The following GNPTG variants were observed in gnomAD, a reference collection of about 807,000 sequenced individuals.
GNPTG encodes the protein N-acetylglucosamine-1-phosphotransferase subunit gamma.
GNPTG carries 46 observed loss-of-function variants against 43.8 expected under a neutral mutation model. The ratio of observed to expected loss-of-function variants is 1.05; its 90% CI spans 0.83 to 1.34. The LOEUF is 1.34. GNPTG is among the 40% of genes most tolerant of loss of function. GNPTG has a pLI of 0.00. For synonymous variants in GNPTG, 250 were observed against 172.8 expected (o/e 1.45, Z -3.50); for missense variants, 549 against 411.3 (o/e 1.33, Z -2.90).
intron 3 of GNPTG, among the ~76,000 whole-genome samples, chr16:1,355,237 G>A (rs1435483323): frequency 1.3e-5 from 2 of 152,256 alleles, no homozygotes; most frequent in Non-Finnish European, 2.9e-5. Flanking sequence ...GTGGGGTCGG[G>A]TGTGGATATT....
At chr16:1,352,349 G>T in intron 3 of GNPTG, 43 bp downstream of exon 3, 1 of 1,539,982 alleles carries the variant, frequency 6.5e-7, no homozygotes, top group Non-Finnish European at 8.8e-7. Context: ...GTGGCCGCGG[G>T]GAGCAGCAAC....
rs1380763814 is a variant in GNPTG, at chr16:1,362,443, G to C, written c.527-9G>C. The C allele has an allele frequency of 1.9e-6, 3 of 1,613,692 alleles. No individual in the cohort carries two copies. The highest frequency in any genetic ancestry group is 2.5e-6 in the Non-Finnish European group (3 of 1,179,866). ...GTGCAGCTGAGCCTGGCTTCTCTTGGGTCCTCAGTGTACCCAACCCTGCCA... is the reference window on the plus strand; with the variant it reads ...GTGCAGCTGAGCCTGGCTTCTCTTGCGTCCTCAGTGTACCCAACCCTGCCA... On this transcript the variant is annotated splice_polypyrimidine_tract_variant and intron_variant, in intron 7 of 10. Coordinates refer to ENST00000204679, the MANE Select transcript of GNPTG (RefSeq NM_032520.5).
chr16:1,352,911 A>G (rs2034709615), intron 3 of GNPTG, among the ~76,000 whole-genome samples: 1 of 151,868 alleles, frequency 6.6e-6, no homozygotes, highest in South Asian at 2.1e-4. Context: ...GGTCATGAGT[A>G]TATATATCAT....
chr16:1,353,613 T>C (rs372397900), intron 3 of GNPTG, among the ~76,000 whole-genome samples: 92 of 152,268 alleles, frequency 6.0e-4, no homozygotes, highest in African/African-American at 2.2e-3. Flanking sequence ...ATCCTTGAAC[T>C]CCTGGGCTGA....
chr16:1,363,990 G>A lies in GNPTG; in HGVS notation c.*899G>A, dbSNP rs1249084596. 2 of 152,220 alleles carry A rather than the reference G, an allele frequency of 1.3e-5. No individual in the cohort carries two copies. The highest frequency in any genetic ancestry group is 2.9e-5 in the Non-Finnish European group (2 of 68,046). The allele number at this position is 152,220 out of a possible 1,614,324, so 9.4% of individuals were successfully genotyped here. A position where few individuals can be genotyped will look rare whatever the true frequency, so the allele number is the denominator to read the frequency against. ...AGAGCAGCTGGCAGACTAGAGCTCA[G>A]CTGCTCCTGACCACTGACAACCGGG... On this transcript the variant is annotated 3_prime_UTR_variant, in exon 11 of 11. Coordinates refer to ENST00000204679, the MANE Select transcript of GNPTG (RefSeq NM_032520.5).
rs774835763 is a variant in GNPTG at position 1,361,783 on chromosome 16, C to T, written c.219C>T (p.Ser73=). Residue 73 remains serine (S), a synonymous_variant, in exon 4 of 11, where the codon AGC becomes AGT. Transcript: ENST00000204679. ...HLFRLSGKCF[S]LVESTYKYEF... ...TCCGACTCTCGGGCAAGTGCTTCAG[C>T]CTGGTGGAGTCCACGTGAGTGCAGG... The T allele has an allele frequency of 1.2e-6, 2 of 1,614,184 alleles. No homozygotes were observed. Among genetic ancestry groups the T allele is most frequent in the Non-Finnish European group, 1.7e-6 (2 of 1,180,038 alleles).
intron 4 of GNPTG, 22 bp downstream of exon 4, chr16:1,361,819 G>C: frequency 1.2e-6 from 2 of 1,614,044 alleles, no homozygotes; most frequent in South Asian, 1.1e-5. Flanking sequence ...GTGGGTGCGA[G>C]GGTGGGCTGG....
intron 3 of GNPTG, 146 bp downstream of exon 3, chr16:1,352,452 G>A (rs929366916): frequency 1.2e-5 from 10 of 807,428 alleles, no homozygotes; most frequent in Middle Eastern, 6.8e-4. Flanking sequence ...AAGTACGAGA[G>A]AATATACCAG....
chr16:1,352,147 C>T lies in GNPTG; in HGVS notation c.98C>T (p.Pro33Leu), dbSNP rs1229227418. The T allele has an allele frequency of 6.3e-7, 1 of 1,580,940 alleles. No individual in the cohort carries two copies. The highest frequency in any genetic ancestry group is 1.2e-5 in the South Asian group (1 of 86,802). ...GCGAAGATGAAGGTGGTGGAGGAGC[C>T]CAACGCGTTTGGGTGAGCAGCCTCG... ...GAAKMKVVEE[P>L]NAFGVNNPFL... is the part of the protein sequence containing the mutation. The change falls in exon 2 of 11, where the codon CCC becomes CTC. Residue 33 changes from proline to leucine, a missense_variant. Coordinates refer to ENST00000204679, the MANE Select transcript of GNPTG (RefSeq NM_032520.5).
At position 1,363,103 on chromosome 16, in the gene GNPTG, G is replaced by A; in HGVS notation, c.*12G>A. ...GTGGGAGTTTGTGACCTTGTGGTGG[G>A]AGAGCAGAGGTGGACGCGGCCGAGA... On this transcript the variant is annotated 3_prime_UTR_variant, in exon 11 of 11. Transcript: ENST00000204679. The A allele has an allele frequency of 3.1e-6, 5 of 1,612,680 alleles. No homozygotes were observed. The highest frequency in any genetic ancestry group is 1.3e-5 in the African/African-American group (1 of 75,016).
rs760871015 is a variant in GNPTG, at chr16:1,362,828, C to T, written c.745C>T (p.His249Tyr). The change falls in exon 10 of 11, where the codon CAT becomes TAT. Residue 249 changes from histidine (H) to tyrosine (Y), a missense_variant. Transcript: ENST00000204679. ...GAACTCTTTTTGTGGTTGGTAGGCTCATAAAGAACTCTCAAAGGAGATCAA... is the reference window on the plus strand; with the variant it reads ...GAACTCTTTTTGTGGTTGGTAGGCTTATAAAGAACTCTCAAAGGAGATCAA... Reference protein sequence around the residue: ...FETLENCRKAHKELSKEIKRL... With the variant: ...FETLENCRKAYKELSKEIKRL... 8.1e-6 allele frequency: 13 copies of T among 1,613,832 alleles called. No homozygotes were observed. The highest frequency in any genetic ancestry group is 1.7e-5 in the Admixed American group (1 of 59,996).
At chr16:1,357,808 T>C (rs4984820) in intron 3 of GNPTG, 143,604 of 152,594 alleles carry the variant, frequency 0.94, 67,648 homozygotes, top group East Asian at 1. Context: ...CCACCGCGCC[T>C]GGCCTCGACT....
chr16:1,361,991 G>A lies in GNPTG; in HGVS notation c.317+36G>A, dbSNP rs200116947. ...CCGGGGCAGGGATCCCAAAGCAGCA[G>A]CGCAGCTCCCCACCCGGCCTCACGT... On this transcript the variant is annotated intron_variant, in intron 5 of 10. Coordinates refer to ENST00000204679, the MANE Select transcript of GNPTG (RefSeq NM_032520.5). 2,921 of 1,613,128 alleles carry A rather than the reference G, an allele frequency of 1.8e-3. 4 individuals carry two copies. Among genetic ancestry groups the A allele is most frequent in the Non-Finnish European group, 2.3e-3 (2,690 of 1,179,840 alleles).
In GNPTG at chr16:1,361,855, G is replaced by A. The variant is rs759479821; in HGVS notation, c.234-17G>A. On this transcript the variant is annotated splice_polypyrimidine_tract_variant and intron_variant, in intron 4 of 10. Transcript: ENST00000204679. ...GGCGCAGCCTGCGGACCCCCCTCAT[G>A]CCATCTGTGTCCCCAGGTACAAGTA... 303 of 1,613,754 alleles carry A rather than the reference G, an allele frequency of 1.9e-4. 1 individual carries two copies. Among genetic ancestry groups the A allele is most frequent in the Non-Finnish European group, 2.5e-4 (294 of 1,179,992 alleles).
chr16:1,362,794 CT>C (rs1456419841), intron 9 of GNPTG, 30 bp from the exon 10 acceptor site: 1 of 1,613,976 alleles, frequency 6.2e-7, no homozygotes, highest in Non-Finnish European at 8.5e-7. Flanking sequence ...AGCACCTGGG[CT>C]TTCCCTTGAA....
intron 3 of GNPTG, among the ~76,000 whole-genome samples, chr16:1,355,704 C>T (rs372087541): frequency 4.1e-5 from 5 of 120,594 alleles, no homozygotes; most frequent in African/African-American, 9.7e-5. Context: ...GCCTCGGTGG[C>T]GGTGGGAGGG....
intron 3 of GNPTG, among the ~76,000 whole-genome samples, chr16:1,356,286 T>C (rs1007989632): frequency 6.6e-6 from 1 of 152,054 alleles, no homozygotes; most frequent in African/African-American, 2.4e-5. Context: ...GTCCTGGCCA[T>C]GCAGGCCGTG....
chr16:1,361,181 T>C (rs2141860450), intron 3 of GNPTG: 1 of 158,394 alleles, frequency 6.3e-6, no homozygotes, highest in South Asian at 1.8e-4. Context: ...CCTCAAGCAA[T>C]CTTCCCGCCT....
At position 1,354,585 on chromosome 16, in the gene GNPTG, C is replaced by CAAAAA. The variant is rs869067502; in HGVS notation, c.178+2299_178+2303dup. Among the ~76,000 whole-genome samples the CAAAAA allele has an allele frequency of 1.6e-3, 70 of 44,352 alleles. 2 individuals carry two copies. The highest frequency in any genetic ancestry group is 2.1e-3 in the Non-Finnish European group (53 of 24,784). The allele number at this position is 44,352 out of a possible 152,430, so 29.1% of individuals were successfully genotyped here. A position where few individuals can be genotyped will look rare whatever the true frequency, so the allele number is the denominator to read the frequency against. On this transcript the variant is annotated intron_variant, in intron 3 of 10. Coordinates refer to ENST00000204679, the MANE Select transcript of GNPTG (RefSeq NM_032520.5). ...TGGGTGACAGAGCAAGACTTCGTCT[C>CAAAAA]AAAAAAAAAAAAAAAAAAAAAAAAC...
Sources: allele counts gnomAD v4.1 joint callset (sites outside exome capture counted in the v4.1 genomes callset), GRCh38; gene constraint gnomAD v4.1.1; transcripts MANE v1.5; gene names NCBI Gene and HGNC (gene_info 2026-07-23, HGNC 2026-07-21).